The following ARHGAP5 variants were observed in gnomAD, a reference collection of about 807,000 sequenced individuals.
ARHGAP5 encodes the protein Rho GTPase activating protein 5.
A neutral mutation model predicts 116.6 loss-of-function variants in ARHGAP5; 23 were observed. The ratio of observed to expected loss-of-function variants is 0.20; its 90% CI spans 0.14 to 0.28. The LOEUF (loss-of-function observed/expected upper bound fraction) is 0.28. ARHGAP5 is among the 10% of genes least tolerant of loss of function. The pLI, the probability that ARHGAP5 is intolerant of heterozygous loss-of-function variation, is 1.00. For missense variants in ARHGAP5, 1,405 were observed against 1,774.8 expected (o/e 0.79, Z 3.74); for synonymous variants, 574 against 602.0 (o/e 0.95, Z 0.68).
intron 1 of ARHGAP5, among the ~76,000 whole-genome samples, chr14:32,087,176 C>T (rs2041837815): frequency 6.8e-6 from 1 of 147,916 alleles, no homozygotes; most frequent in Non-Finnish European, 1.5e-5. Context: ...TTAGTGGGAG[C>T]ATGAAAAAAA....
In ARHGAP5 at chr14:32,158,221, T is replaced by G. The variant is rs531247559; in HGVS notation, c.*3273T>G. ...TCAAGTGAAATGAAAAATAAAAATA[T>G]AAATTTATCAATATGATGGAAATCT... On this transcript the variant is annotated 3_prime_UTR_variant, in exon 7 of 7. Coordinates refer to ENST00000345122, the MANE Select transcript of ARHGAP5 (RefSeq NM_001030055.2). 6.6e-6 allele frequency: 1 copy of G among 151,776 alleles called. No homozygotes were observed. Among genetic ancestry groups the G allele is most frequent in the African/African-American group, 2.4e-5 (1 of 41,424 alleles). The allele number at this position is 151,776 out of a possible 1,614,324, so 9.4% of individuals were successfully genotyped here.
chr14:32,096,843 A>T (rs915421940), intron 2 of ARHGAP5, among the ~76,000 whole-genome samples: 1 of 152,234 alleles, frequency 6.6e-6, no homozygotes, highest in Non-Finnish European at 1.5e-5. Context: ...AGAATGGCTT[A>T]AAAAAGGAAA....
At chr14:32,127,480 C>A (rs985010913) in intron 3 of ARHGAP5, among the ~76,000 whole-genome samples, 2 of 152,028 alleles carry the variant, frequency 1.3e-5, no homozygotes, top group African/African-American at 2.4e-5. Context: ...TCAGAGAGCA[C>A]GGGGTTGGGG....
chr14:32,109,183 A>G (rs1215056084), intron 2 of ARHGAP5, among the ~76,000 whole-genome samples: 1 of 152,132 alleles, frequency 6.6e-6, no homozygotes, highest in Non-Finnish European at 1.5e-5. Context: ...GTTTACTTTT[A>G]CACTAAGCCC....
chr14:32,094,449 T>C, intron 2 of ARHGAP5, 63 bp downstream of exon 2: 1 of 1,226,904 alleles, frequency 8.2e-7, no homozygotes, highest in Middle Eastern at 2.0e-4. Flanking sequence ...TTTAAAATAC[T>C]GACATCAGTG....
rs1413868484 is a variant in ARHGAP5, at chr14:32,140,116, T to C, written c.3866-6147T>C. ...TTTGTTCTTTTTTTTTTTTTTTTCC[T>C]TTTTTTTTTTTTTTATTATACTTTA... On this transcript the variant is annotated intron_variant, in intron 3 of 6. Coordinates refer to ENST00000345122, the MANE Select transcript of ARHGAP5 (RefSeq NM_001030055.2). 2.8e-3 allele frequency among the ~76,000 whole-genome samples: 240 copies of C among 84,894 alleles called. 3 individuals carry two copies. The highest frequency in any genetic ancestry group is 9.8e-3 in the African/African-American group (190 of 19,316). 55.7% of individuals were successfully genotyped at this position (84,894 alleles called of 152,430 possible).
intron 3 of ARHGAP5, among the ~76,000 whole-genome samples, chr14:32,134,096 C>G (rs549399151): frequency 6.6e-6 from 1 of 152,128 alleles, no homozygotes; most frequent in Non-Finnish European, 1.5e-5. Flanking sequence ...AAACCGAATC[C>G]AGCAGCACGT....
chr14:32,123,390 A>G (rs1210180164), intron 3 of ARHGAP5, among the ~76,000 whole-genome samples: 1 of 152,036 alleles, frequency 6.6e-6, no homozygotes, highest in African/African-American at 2.4e-5. Flanking sequence ...AAATGTAGAA[A>G]TGCCATTTAA....
In ARHGAP5 at chr14:32,117,140, C is replaced by T; in HGVS notation, c.3718C>T (p.Gln1240Ter). The T allele has an allele frequency of 1.3e-6, 2 of 1,587,350 alleles. No individual in the cohort carries two copies. The highest frequency in any genetic ancestry group is 1.7e-6 in the Non-Finnish European group (2 of 1,166,664). Residue 1240 changes from glutamine to a stop codon, truncating the protein, a stop_gained and splice_region_variant, in exon 3 of 7, where the codon CAG (glutamine) becomes TAG (stop). Coordinates refer to ENST00000345122, the MANE Select transcript of ARHGAP5 (RefSeq NM_001030055.2). LOFTEE classifies it high-confidence loss of function. ...TTAACTTAAATATGTTTTCTTATAG[C>T]AGAAAAAGAAAACTAAGAACTTCAA... ...KTHKVKEDKK[Q>*]KKKTKNFNPP...
chr14:32,142,686 G>A (rs1881182194), intron 3 of ARHGAP5, among the ~76,000 whole-genome samples: 1 of 152,326 alleles, frequency 6.6e-6, no homozygotes, highest in Non-Finnish European at 1.5e-5. Flanking sequence ...TCTGGCACTT[G>A]TGTAACCCAC....
chr14:32,128,310 T>G (rs1327745779), intron 3 of ARHGAP5, among the ~76,000 whole-genome samples: 1 of 152,220 alleles, frequency 6.6e-6, no homozygotes, highest in Non-Finnish European at 1.5e-5. Flanking sequence ...ATCTCAGCAC[T>G]TTGGGAGGCC....
intron 3 of ARHGAP5, among the ~76,000 whole-genome samples, chr14:32,138,224 A>G (rs368152724): frequency 6.6e-6 from 1 of 151,942 alleles, no homozygotes; most frequent in Admixed American, 6.6e-5. Context: ...TTATGTGTTG[A>G]TCTTGTAACC....
chr14:32,146,124 C>T (rs1881365817), intron 3 of ARHGAP5, 139 bp from the exon 4 acceptor site: 4 of 564,346 alleles, frequency 7.1e-6, no homozygotes, highest in Non-Finnish European at 1.3e-5. Flanking sequence ...GTTGCCCAGG[C>T]TGGGCTCAAA....
At chr14:32,144,561 G>A (rs1291083760) in intron 3 of ARHGAP5, among the ~76,000 whole-genome samples, 1 of 151,950 alleles carries the variant, frequency 6.6e-6, no homozygotes, top group Non-Finnish European at 1.5e-5. Context: ...TTGGCTCACT[G>A]CAACCTCTGC....
intron 3 of ARHGAP5, among the ~76,000 whole-genome samples, chr14:32,130,432 G>A (rs1489467513): frequency 6.6e-6 from 1 of 151,328 alleles, no homozygotes; most frequent in Non-Finnish European, 1.5e-5. Context: ...CATGTTGCCA[G>A]GCTGGTCTGG....
chr14:32,099,404 G>A (rs563184222), intron 2 of ARHGAP5, among the ~76,000 whole-genome samples: 9 of 152,286 alleles, frequency 5.9e-5, no homozygotes, highest in Non-Finnish European at 1.3e-4. Flanking sequence ...ACAGACGATT[G>A]CTTAACACAG....
intron 2 of ARHGAP5, among the ~76,000 whole-genome samples, chr14:32,104,337 T>G (rs1340472211): frequency 6.6e-6 from 1 of 152,218 alleles, no homozygotes; most frequent in Non-Finnish European, 1.5e-5. Context: ...GAAGATGTTA[T>G]CTTAGAGAAT....
At chr14:32,117,908 A>G (rs956698469) in intron 3 of ARHGAP5, among the ~76,000 whole-genome samples, 4 of 152,308 alleles carry the variant, frequency 2.6e-5, no homozygotes, top group African/African-American at 9.6e-5. Context: ...GAAAATAGGG[A>G]CAGAATATTG....
chr14:32,081,180 G>GTATATATTCAAATATATATATTT (rs1201222749), intron 1 of ARHGAP5, among the ~76,000 whole-genome samples: 12 of 152,090 alleles, frequency 7.9e-5, no homozygotes, highest in Non-Finnish European at 1.6e-4. Flanking sequence ...GTATATTTAG[G>GTATATATTCAAATATATATATTT]GAAGTACATA....
Sources: gnomAD v4.1 joint callset for allele counts (sites outside exome capture counted in the v4.1 genomes callset) on GRCh38, gnomAD v4.1.1 for gene constraint, MANE v1.5 for transcripts, NCBI Gene and HGNC (gene_info 2026-07-23, HGNC 2026-07-21) for gene names.